SCN3B: variants seen among roughly 807,000 people sequenced by gnomAD.
The protein encoded by SCN3B is sodium channel regulatory subunit beta-3.
Under a neutral mutation model 25.4 loss-of-function variants are expected in SCN3B, and 11 were observed. That is an observed-to-expected ratio of 0.43 (90% CI 0.27 to 0.72). The LOEUF (loss-of-function observed/expected upper bound fraction) is 0.72. Ranked by LOEUF, SCN3B falls within the 30% of genes least tolerant of loss-of-function variation. The pLI, the probability that SCN3B is intolerant of heterozygous loss-of-function variation, is 0.18. For synonymous variants in SCN3B, 109 were observed against 110.7 expected, an observed-to-expected ratio of 0.99 and a Z score of 0.09; for missense variants, 218 against 278.3, an observed-to-expected ratio of 0.78 and a Z score of 1.54.
Position 123,642,648 on chromosome 11 carries a change from G to C in SCN3B, c.243C>G (p.His81Gln). 1 of 1,614,126 alleles carries C rather than the reference G, an allele frequency of 6.2e-7. No individual in the cohort carries two copies. Among genetic ancestry groups the C allele is most frequent in the Non-Finnish European group, 8.5e-7 (1 of 1,180,004 alleles). ...CCTGAAAGGGGCTCTCCACCTCCTG[G>C]TGGCCATTCCGATACTCGTAAATCT... Reference protein sequence around the residue: ...DFLIYEYRNGHQEVESPFQGR... With the variant: ...DFLIYEYRNGQQEVESPFQGR... Residue 81 changes from histidine (H) to glutamine (Q), a missense_variant, in exon 4 of 7, where the codon CAC (histidine) becomes CAG (glutamine). Coordinates refer to ENST00000299333, the MANE Select transcript of SCN3B (RefSeq NM_001040151.2). This position sits in a 1 kb window ranked among gnomAD's most constrained non-coding sequence, Gnocchi z 4.3.
rs1955646775 is a variant in SCN3B, at chr11:123,629,778, G to A, written c.*4021C>T. 1 of 152,200 alleles carries A rather than the reference G, an allele frequency of 6.6e-6. No homozygotes were observed. The highest frequency in any genetic ancestry group is 1.5e-5 in the Non-Finnish European group (1 of 68,034). 9.4% of individuals were successfully genotyped at this position (152,200 alleles called of 1,614,324 possible). A position where few individuals can be genotyped will look rare whatever the true frequency, so the allele number is the denominator to read the frequency against. On this transcript the variant is annotated 3_prime_UTR_variant, in exon 7 of 7. Transcript: ENST00000299333. Reference sequence around the variant, plus strand: ...GACTAGGTGAATTCACTGAATTAGGGATTTTTCATTTACAAAATGAGGTGA... The same window carrying A: ...GACTAGGTGAATTCACTGAATTAGGAATTTTTCATTTACAAAATGAGGTGA...
Position 123,642,459 on chromosome 11 carries a change from T to C in SCN3B, c.432A>G (p.Arg144=), listed in dbSNP as rs1318438385. ...CCTCAGCCTCACCCTCCTCGGTGAC[T>C]CTTAGGGGGATCAGCCGCGTCGTCT... The part of the protein sequence containing the change: ...FVKTTRLIPL[R]VTEEAGEDFT... The change falls in exon 4 of 7, where the codon AGA becomes AGG. Residue 144 remains arginine, a synonymous_variant. Coordinates refer to ENST00000299333, the MANE Select transcript of SCN3B (RefSeq NM_001040151.2). This position sits in a 1 kb window ranked among gnomAD's most constrained non-coding sequence, Gnocchi z 4.3. The C allele has an allele frequency of 6.2e-7, 1 of 1,613,914 alleles. No homozygotes were observed. The highest frequency in any genetic ancestry group is 1.1e-5 in the South Asian group (1 of 91,060).
Position 123,632,592 on chromosome 11 carries a change from A to C in SCN3B, c.*1207T>G, listed in dbSNP as rs1955684703. 6.6e-6 allele frequency: 1 copy of C among 152,188 alleles called. No homozygotes were observed. The highest frequency in any genetic ancestry group is 2.1e-4 in the South Asian group (1 of 4,822). 9.4% of individuals were successfully genotyped at this position (152,188 alleles called of 1,614,324 possible). ...CATTTGAGGTCAGGAGTTCAAGACTAGCCTGGCCAACATAGTCAAACCCTG... is the reference window on the plus strand; with the variant it reads ...CATTTGAGGTCAGGAGTTCAAGACTCGCCTGGCCAACATAGTCAAACCCTG... On this transcript the variant is annotated 3_prime_UTR_variant, in exon 7 of 7. Coordinates refer to ENST00000299333, the MANE Select transcript of SCN3B (RefSeq NM_001040151.2).
rs980866675 is a variant in SCN3B at position 123,630,398 on chromosome 11, G to A, written c.*3401C>T. 2.0e-5 allele frequency: 3 copies of A among 152,652 alleles called. No homozygotes were observed. Among genetic ancestry groups the A allele is most frequent in the African/African-American group, 7.2e-5 (3 of 41,442 alleles). The allele number at this position is 152,652 out of a possible 1,614,324, so 9.5% of individuals were successfully genotyped here. A position where few individuals can be genotyped will look rare whatever the true frequency, so the allele number is the denominator to read the frequency against. ...CCAAGCTTGGCCTTTAGTGAATTGT[G>A]TTATTGAGGATCAGACATGGGAAAT... On this transcript the variant is annotated 3_prime_UTR_variant, in exon 7 of 7. Coordinates refer to ENST00000299333, the MANE Select transcript of SCN3B (RefSeq NM_001040151.2).
rs1955971039 is a variant in SCN3B at position 123,654,598 on chromosome 11, A to C, written c.-398T>G. 1 of 152,720 alleles carries C rather than the reference A, an allele frequency of 6.5e-6. No homozygotes were observed. 9.5% of individuals were successfully genotyped at this position (152,720 alleles called of 1,614,324 possible). A position where few individuals can be genotyped will look rare whatever the true frequency, so the allele number is the denominator to read the frequency against. On this transcript the variant is annotated 5_prime_UTR_variant, in exon 1 of 7. Coordinates refer to ENST00000299333, the MANE Select transcript of SCN3B (RefSeq NM_001040151.2). ...AGGCCCCCAGGCCGTGTGTGCTGTCAGCCCTGACATGCGCAGGCGGCTCTC... is the reference window on the plus strand; with the variant it reads ...AGGCCCCCAGGCCGTGTGTGCTGTCCGCCCTGACATGCGCAGGCGGCTCTC...
chr11:123,644,799 GAATA>G (rs1955831647), intron 3 of SCN3B, among the ~76,000 whole-genome samples: 2 of 27,010 alleles, frequency 7.4e-5, no homozygotes, highest in Admixed American at 5.7e-4. Flanking sequence ...GAGAGAGAGA[GAATA>G]TATATATATA....
rs1955963880 is a variant in SCN3B, at chr11:123,654,042, C to G, written c.-26+184G>C. On this transcript the variant is annotated intron_variant, in intron 1 of 6. Transcript: ENST00000299333. ...TCCCCAGTTCGAGGGAGCCGATCAG[C>G]CGCTCCGCGCCCGCTCTCGCCGGCG... 8.6e-6 allele frequency: 5 copies of G among 579,336 alleles called. No individual in the cohort carries two copies. In the South Asian group the frequency reaches 1.0e-4, roughly 12 times the overall value. The allele number at this position is 579,336 out of a possible 1,614,324, so 35.9% of individuals were successfully genotyped here. A position where few individuals can be genotyped will look rare whatever the true frequency, so the allele number is the denominator to read the frequency against.
intron 4 of SCN3B, among the ~76,000 whole-genome samples, chr11:123,641,304 G>C (rs575538512): frequency 1.3e-5 from 2 of 152,314 alleles, no homozygotes; most frequent in Admixed American, 1.3e-4. Context: ...GGATTCAGGA[G>C]CCCTGAGAGT....
At position 123,642,391 on chromosome 11, in the gene SCN3B, C is replaced by T; in HGVS notation, c.445+55G>A. The T allele has an allele frequency of 2.6e-6, 4 of 1,554,474 alleles. No individual in the cohort carries two copies. Among genetic ancestry groups the T allele is most frequent in the Non-Finnish European group, 3.6e-6 (4 of 1,126,062 alleles). ...CACTCGTGGAAAACTGCTGTCCTAC[C>T]CTTCCCTGTCCACAGAGAGCAGGAC... On this transcript the variant is annotated intron_variant, in intron 4 of 6. Coordinates refer to ENST00000299333, the MANE Select transcript of SCN3B (RefSeq NM_001040151.2). The surrounding 1 kb of genome is among the most constrained non-coding windows in gnomAD (Gnocchi z 4.3).
intron 4 of SCN3B, chr11:123,638,999 T>G (rs187956845): frequency 6.4e-6 from 1 of 156,824 alleles, no homozygotes; most frequent in Non-Finnish European, 1.4e-5. Flanking sequence ...CCCAGGGCTG[T>G]ACTTTTGAAA....
chr11:123,645,509 T>C, intron 3 of SCN3B, 78 bp downstream of exon 3: 1 of 1,430,792 alleles, frequency 7.0e-7, no homozygotes. Context: ...TAGCTTGGCA[T>C]CCCCCGGACT....
chr11:123,651,452 C>G (rs1341439656), intron 2 of SCN3B, among the ~76,000 whole-genome samples: 1 of 152,096 alleles, frequency 6.6e-6, no homozygotes, highest in Non-Finnish European at 1.5e-5. Flanking sequence ...CAACCTCCAC[C>G]TCCCAGGTTC....
chr11:123,634,375 T>TTCCCCCA (rs1329057562), intron 5 of SCN3B, among the ~76,000 whole-genome samples, 169 bp from the exon 6 acceptor site: 4 of 152,216 alleles, frequency 2.6e-5, no homozygotes, highest in African/African-American at 9.7e-5. Flanking sequence ...AAATAATCAT[T>TTCCCCCA]TCCCCCATAT....
rs1265930906 is a variant in SCN3B at position 123,654,566 on chromosome 11, C to T, written c.-366G>A. The T allele has an allele frequency of 1.3e-5, 2 of 152,972 alleles. No individual in the cohort carries two copies. The highest frequency in any genetic ancestry group is 2.9e-5 in the Non-Finnish European group (2 of 68,652). 9.5% of individuals were successfully genotyped at this position (152,972 alleles called of 1,614,324 possible). ...CCTGGGTGGCAGGTGATCAGCAACC[C>T]TTCTCTAGGCCCCCAGGCCGTGTGT... On this transcript the variant is annotated 5_prime_UTR_variant, in exon 1 of 7. Coordinates refer to ENST00000299333, the MANE Select transcript of SCN3B (RefSeq NM_001040151.2).
rs1237260896 is a variant in SCN3B, at chr11:123,631,452, T to C, written c.*2347A>G. On this transcript the variant is annotated 3_prime_UTR_variant, in exon 7 of 7. Coordinates refer to ENST00000299333, the MANE Select transcript of SCN3B (RefSeq NM_001040151.2). The stretch of plus-strand genomic sequence containing the variant: ...CCTCTCCCTTATTTCAGAGGGATTG[T>C]GTGGAAAATTACCAATAAGAAGAGT... 2 of 152,170 alleles carry C rather than the reference T, an allele frequency of 1.3e-5. No individual in the cohort carries two copies. The highest frequency in any genetic ancestry group is 4.8e-5 in the African/African-American group (2 of 41,432). The allele number at this position is 152,170 out of a possible 1,614,324, so 9.4% of individuals were successfully genotyped here. A position where few individuals can be genotyped will look rare whatever the true frequency, so the allele number is the denominator to read the frequency against.
rs1055990930 is a variant in SCN3B at position 123,649,970 on chromosome 11, C to T, written c.55+3777G>A. Among the ~76,000 whole-genome samples, 9 of 152,154 alleles carry T rather than the reference C, an allele frequency of 5.9e-5. 1 individual carries two copies. Among genetic ancestry groups the T allele is most frequent in the Non-Finnish European group, 1.3e-4 (9 of 68,028 alleles). On this transcript the variant is annotated intron_variant, in intron 2 of 6. Coordinates refer to ENST00000299333, the MANE Select transcript of SCN3B (RefSeq NM_001040151.2). Reference sequence around the variant, plus strand: ...CTACCCACCTTGACCTCCCAAAGTGCCGGGATTACAGACATGAGCCACAGC... The same window carrying T: ...CTACCCACCTTGACCTCCCAAAGTGTCGGGATTACAGACATGAGCCACAGC...
intron 4 of SCN3B, chr11:123,638,547 T>C: frequency 1.7e-6 from 1 of 582,642 alleles, no homozygotes; most frequent in South Asian, 2.0e-5. Flanking sequence ...CTGGAAGAAG[T>C]AGCCGAGCAG....
In SCN3B at chr11:123,631,257, A is replaced by G. The variant is rs1302969515; in HGVS notation, c.*2542T>C. ...AAAGAAGAGAAAAAGGCAATCATGC[A>G]TACTGCCGGGTTCAACTTAGATACA... On this transcript the variant is annotated 3_prime_UTR_variant, in exon 7 of 7. Transcript: ENST00000299333. 1.3e-5 allele frequency: 2 copies of G among 152,096 alleles called. No individual in the cohort carries two copies. The highest frequency in any genetic ancestry group is 4.8e-5 in the African/African-American group (2 of 41,356). The allele number at this position is 152,096 out of a possible 1,614,324, so 9.4% of individuals were successfully genotyped here.
rs1000604095 is a variant in SCN3B, at chr11:123,632,439, C to G, written c.*1360G>C. 6 of 152,196 alleles carry G rather than the reference C, an allele frequency of 3.9e-5. No homozygotes were observed. The highest frequency in any genetic ancestry group is 1.4e-4 in the African/African-American group (6 of 41,442). The allele number at this position is 152,196 out of a possible 1,614,324, so 9.4% of individuals were successfully genotyped here. On this transcript the variant is annotated 3_prime_UTR_variant, in exon 7 of 7. Transcript: ENST00000299333. ...CTATCAGAGTTGACCTCAGCCCAGT[C>G]CGTGCTTGTGAAAGAAGCATTGCCA...
Sources: gnomAD v4.1 joint callset for allele counts (sites outside exome capture counted in the v4.1 genomes callset) on GRCh38, gnomAD v4.1.1 for gene constraint, Gnocchi (gnomAD v3.1) non-coding constraint, MANE v1.5 for transcripts, NCBI Gene and HGNC (gene_info 2026-07-23, HGNC 2026-07-21) for gene names.